Variants in MYH3 observed in about 807,000 individuals in gnomAD.
The protein encoded by MYH3 is myosin heavy chain 3, also known as myosin-3.
Under a neutral mutation model 238.0 loss-of-function variants are expected in MYH3, and 130 were observed. The observed-to-expected ratio is 0.55, with a 90% CI of 0.47 to 0.63. The LOEUF (loss-of-function observed/expected upper bound fraction) is 0.63, where lower values mean the gene tolerates loss of function less well. Among genes scored for constraint, MYH3 ranks in the 30% least tolerant of loss-of-function variants. The probability of loss-of-function intolerance (pLI) is 0.00; values close to 1 mark genes in which losing one functional copy is unlikely to be tolerated. For missense variants in MYH3, 1,853 were observed against 2,374.9 expected (o/e 0.78, Z 4.57); for synonymous variants, 880 against 924.1 (o/e 0.95, Z 0.86).
intron 40 of MYH3, 125 bp from the exon 41 acceptor site, chr17:10,628,804 C>T: frequency 2.8e-6 from 3 of 1,054,060 alleles, no homozygotes; most frequent in Non-Finnish European, 3.0e-6. Flanking sequence ...TTTTTTGGAC[C>T]TTGGGAAAAC....
At position 10,654,900 on chromosome 17, in the gene MYH3, A is replaced by C. The variant is rs757707173; in HGVS notation, c.165T>G (p.Ser55=). 3.0e-5 allele frequency: 49 copies of C among 1,614,164 alleles called. No individual in the cohort carries two copies. The highest frequency in any genetic ancestry group is 4.1e-5 in the Non-Finnish European group (48 of 1,180,032). The change falls in exon 3 of 41, where the codon TCT becomes TCG. Residue 55 remains serine, a synonymous_variant. Coordinates refer to ENST00000583535, the MANE Select transcript of MYH3 (RefSeq NM_002470.4). This position sits in a 1 kb window ranked among gnomAD's most constrained non-coding sequence, Gnocchi z 4.5. ...TTTCCACAGTGACCTTCCCATCCTG[A>C]GAACTCTTGATTTTCCCCTTGGCAT... ...EEYAKGKIKS[S]QDGKVTVETE...
chr17:10,647,475 T>C, intron 8 of MYH3, 49 bp from the exon 9 acceptor site: 10 of 1,584,980 alleles, frequency 6.3e-6, no homozygotes, highest in Non-Finnish European at 7.8e-6. Context: ...CATGGCCCAA[T>C]AGTTCCTATT....
upstream of MYH3, among the ~76,000 whole-genome samples, chr17:10,662,031 T>TC (rs748470050): frequency 1.3e-5 from 2 of 151,568 alleles, no homozygotes; most frequent in African/African-American, 2.4e-5. Context: ...TTTCTTTCTT[T>TC]TTTTTTTTTA....
In MYH3 at chr17:10,655,211, CT is replaced by C. The variant is rs2074416215; in HGVS notation, c.-8-140del. 5 of 727,544 alleles carry C rather than the reference CT, an allele frequency of 6.9e-6. No homozygotes were observed. In the South Asian group the frequency reaches 7.5e-5, roughly 11 times the overall value. The allele number at this position is 727,544 out of a possible 1,614,324, so 45.1% of individuals were successfully genotyped here. Reference sequence around the variant, plus strand: ...TCAGGGCCCCAGGAACCAGGCTGTCCTCATGCCTTGAGAAGCTCCACCCAAA... The same window carrying C: ...TCAGGGCCCCAGGAACCAGGCTGTCCCATGCCTTGAGAAGCTCCACCCAAA... On this transcript the variant is annotated intron_variant, in intron 2 of 40. Coordinates refer to ENST00000583535, the MANE Select transcript of MYH3 (RefSeq NM_002470.4).
At chr17:10,646,171 A>T in intron 10 of MYH3, 139 bp from the exon 11 acceptor site, 1 of 758,064 alleles carries the variant, frequency 1.3e-6, no homozygotes, top group Non-Finnish European at 2.3e-6. Flanking sequence ...TCTTTTAGAC[A>T]GTTCCACAAT....
intron 28 of MYH3, among the ~76,000 whole-genome samples, chr17:10,637,063 C>CTT (rs111976484): frequency 5.0e-4 from 72 of 145,424 alleles, no homozygotes; most frequent in Non-Finnish European, 5.7e-4. Flanking sequence ...TTCCCTTAAA[C>CTT]TTTTTTTTTT....
rs1437516572 is a variant in MYH3 at position 10,638,032 on chromosome 17, C to A, written c.3729+11G>T. On this transcript the variant is annotated intron_variant, in intron 27 of 40. Coordinates refer to ENST00000583535, the MANE Select transcript of MYH3 (RefSeq NM_002470.4). ...TGGAAAGCCTTGAGCCACCCCCACC[C>A]CGCGCAGCACCTTAGATTTCGACAC... The A allele has an allele frequency of 6.2e-7, 1 of 1,613,898 alleles. No individual in the cohort carries two copies. Among genetic ancestry groups the A allele is most frequent in the African/African-American group, 1.3e-5 (1 of 74,852 alleles).
Position 10,631,600 on chromosome 17 carries a change from A to C in MYH3, c.5286+11T>G. ...CGGCAGCCCGAGGGCAGCAGGAAGG[A>C]GACGCCTTACGTCCGTGATGGCCTT... On this transcript the variant is annotated intron_variant, in intron 36 of 40. Coordinates refer to ENST00000583535, the MANE Select transcript of MYH3 (RefSeq NM_002470.4). 1 of 1,614,096 alleles carries C rather than the reference A, an allele frequency of 6.2e-7. No individual in the cohort carries two copies. Among genetic ancestry groups the C allele is most frequent in the Non-Finnish European group, 8.5e-7 (1 of 1,180,014 alleles).
Position 10,632,491 on chromosome 17 carries a change from G to T in MYH3, c.4941C>A (p.Val1647=). 1 of 1,613,814 alleles carries T rather than the reference G, an allele frequency of 6.2e-7. No homozygotes were observed. The highest frequency in any genetic ancestry group is 8.5e-7 in the Non-Finnish European group (1 of 1,180,038). Residue 1647 remains valine, a synonymous_variant, in exon 34 of 41, where the codon GTC becomes GTA. Coordinates refer to ENST00000583535, the MANE Select transcript of MYH3 (RefSeq NM_002470.4). The part of the protein sequence containing the change: ...AAETLKHLRS[V]QGQLKDTQLH... ...TCTCTCAAACCTTCAGCTGTCCCTG[G>T]ACACTCCTGAGGTGTTTGAGGGTCT...
At chr17:10,651,121 G>A (rs1007062741) in intron 5 of MYH3, among the ~76,000 whole-genome samples, 3 of 142,820 alleles carry the variant, frequency 2.1e-5, no homozygotes, top group African/African-American at 7.9e-5. Flanking sequence ...GGAGGCAGAG[G>A]TTGTGGTGAG....
intron 32 of MYH3, 45 bp downstream of exon 32, chr17:10,633,972 T>C (rs1007816722): frequency 8.1e-6 from 13 of 1,599,216 alleles, no homozygotes; most frequent in Middle Eastern, 4.1e-4. Flanking sequence ...TCTCGAGCAA[T>C]AGAGCATGAA....
chr17:10,628,724 C>G, intron 40 of MYH3, 45 bp from the exon 41 acceptor site: 1 of 1,604,380 alleles, frequency 6.2e-7, no homozygotes, highest in Non-Finnish European at 8.5e-7. Context: ...GTGGCAGAGA[C>G]ACATTCCCAC....
Position 10,648,661 on chromosome 17 carries a change from A to C in MYH3, c.643-12T>G. On this transcript the variant is annotated splice_polypyrimidine_tract_variant and intron_variant, in intron 7 of 40. Coordinates refer to ENST00000583535, the MANE Select transcript of MYH3 (RefSeq NM_002470.4). ...TCTTCCAGAGTCCCCTAATGCAAGA[A>C]ATTGAGGGAAGAAGAGGAAACATTT... The C allele has an allele frequency of 6.2e-7, 1 of 1,602,308 alleles. No homozygotes were observed.
the MYH3 span, among the ~76,000 whole-genome samples, chr17:10,671,264 T>G: frequency 6.6e-6 from 1 of 152,148 alleles, no homozygotes; most frequent in African/African-American, 2.4e-5. Flanking sequence ...TTTCCATGAT[T>G]ATTACAAAAA....
At chr17:10,651,436 G>A (rs1490682154) in intron 5 of MYH3, 76 bp downstream of exon 5, 8 of 1,608,504 alleles carry the variant, frequency 5.0e-6, no homozygotes, top group African/African-American at 1.3e-5. Context: ...GGTCCAGCCT[G>A]GGAGTAAGGG....
At chr17:10,671,572 A>ATTTTTTTTTTTTTTT in the MYH3 span, among the ~76,000 whole-genome samples, 1 of 82,308 alleles carries the variant, frequency 1.2e-5, no homozygotes, top group Non-Finnish European at 2.3e-5. Flanking sequence ...TCTCAGGGTC[A>ATTTTTTTTTTTTTTT]TTTTTTTTTT....
Position 10,652,447 on chromosome 17 carries a change from C to G in MYH3, c.321G>C (p.Lys107Asn), listed in dbSNP as rs138935625. The G allele has an allele frequency of 6.2e-7, 1 of 1,613,880 alleles. No homozygotes were observed. The highest frequency in any genetic ancestry group is 8.5e-7 in the Non-Finnish European group (1 of 1,180,024). Residue 107 changes from lysine to asparagine, a missense_variant, in exon 4 of 41, where the codon AAG becomes AAC. By Grantham distance (94) the Lys-to-Asn change is moderately conservative. This residue lies in a region of MYH3 where 678 missense variants were observed against 1,058.9 expected (regional missense o/e 0.64). Transcript: ENST00000583535. ...AGATCATCCAAGATGTGTAACGGTC[C>G]TTCAGGTTGTACAGCACGGCTGGCT... is the stretch of plus-strand genomic sequence containing the variant. ...LNEPAVLYNL[K>N]DRYTSWMIYT... is the part of the protein sequence containing the mutation.
Position 10,635,863 on chromosome 17 carries a change from G to C in MYH3, c.3857-10C>G, listed in dbSNP as rs764763570. Reference sequence around the variant, plus strand: ...TGACGACTCAGCTCACCTGTGTCCAGAAGGAAATAGTTTCATTTCATTTAT... The same window carrying C: ...TGACGACTCAGCTCACCTGTGTCCACAAGGAAATAGTTTCATTTCATTTAT... On this transcript the variant is annotated splice_polypyrimidine_tract_variant and intron_variant, in intron 28 of 40. Transcript: ENST00000583535. The C allele has an allele frequency of 2.5e-6, 4 of 1,601,848 alleles. No individual in the cohort carries two copies. Among genetic ancestry groups the C allele is most frequent in the Non-Finnish European group, 3.4e-6 (4 of 1,168,960 alleles).
chr17:10,639,523 G>GACTATA, intron 23 of MYH3, 37 bp downstream of exon 23: 2 of 1,614,052 alleles, frequency 1.2e-6, no homozygotes, highest in Non-Finnish European at 1.7e-6. Context: ...AGTTTGCAAT[G>GACTATA]ACTATATCAA....
Sources: allele counts gnomAD v4.1 joint callset (sites outside exome capture counted in the v4.1 genomes callset), GRCh38; gene constraint gnomAD v4.1.1; regional missense constraint gnomAD v4.1.1; non-coding constraint Gnocchi (gnomAD v3.1); transcripts MANE v1.5; gene names NCBI Gene and HGNC (gene_info 2026-07-23, HGNC 2026-07-21).